The following ZNF799 variants were observed in gnomAD, a reference collection of about 807,000 sequenced individuals.
ZNF799 encodes zinc finger protein 14.
ZNF799 carries 28 observed loss-of-function variants against 41.0 expected under a neutral mutation model. The observed-to-expected ratio is 0.68, with a 90% CI of 0.51 to 0.94. The LOEUF is 0.94. Among genes scored for constraint, ZNF799 ranks in the 40% least tolerant of loss-of-function variants. The pLI, the probability that ZNF799 is intolerant of heterozygous loss-of-function variation, is 0.00. For missense variants in ZNF799, 716 were observed against 764.3 expected (o/e 0.94, Z 0.74); for synonymous variants, 213 against 252.9 (o/e 0.84, Z 1.50).
upstream of ZNF799, among the ~76,000 whole-genome samples, chr19:12,404,667 C>T (rs1435855977): frequency 2.0e-5 from 3 of 152,126 alleles, no homozygotes; most frequent in South Asian, 2.1e-4. Context: ...TTTGTATTTT[C>T]GAATTGGTAT....
the ZNF799 span, among the ~76,000 whole-genome samples, chr19:12,412,482 C>T: frequency 6.6e-6 from 1 of 151,168 alleles, no homozygotes; most frequent in Admixed American, 6.6e-5. Context: ...CAGATCAAAG[C>T]TCTCTTTGTA....
At chr19:12,413,645 A>T in the ZNF799 span, among the ~76,000 whole-genome samples, 1 of 152,266 alleles carries the variant, frequency 6.6e-6, no homozygotes, top group Non-Finnish European at 1.5e-5. Flanking sequence ...TACACATGCC[A>T]TTAGAATTTC....
At chr19:12,404,479 C>T (rs949206573), upstream of ZNF799, among the ~76,000 whole-genome samples, 18 of 152,008 alleles carry the variant, frequency 1.2e-4, no homozygotes, top group Middle Eastern at 3.4e-3. Context: ...TTGTTGCCCA[C>T]GCTGGAGCGC....
the ZNF799 span, among the ~76,000 whole-genome samples, chr19:12,410,818 T>C: frequency 6.6e-6 from 1 of 152,190 alleles, no homozygotes; most frequent in East Asian, 1.9e-4. Flanking sequence ...CAGATTTGTT[T>C]AATTACATGA....
At chr19:12,409,292 C>A in the ZNF799 span, among the ~76,000 whole-genome samples, 1 of 152,162 alleles carries the variant, frequency 6.6e-6, no homozygotes, top group Non-Finnish European at 1.5e-5. Context: ...CATGTGCAGG[C>A]GGTAATGCTT....
chr19:12,391,657 A>G lies in ZNF799; in HGVS notation c.741T>C (p.His247=). 6.2e-7 allele frequency: 1 copy of G among 1,611,008 alleles called. No individual in the cohort carries two copies. The highest frequency in any genetic ancestry group is 8.5e-7 in the Non-Finnish European group (1 of 1,177,524). Residue 247 remains histidine, a synonymous_variant, in exon 4 of 4, where the codon CAT becomes CAC. Transcript: ENST00000430385. ...YSSYLRHERT[H]TGEKLYECKQ... is the part of the protein sequence containing the mutation. ...TACATTCATACAGTTTCTCCCCAGT[A>G]TGTGTTCTTTCATGTCTTAGATAGG...
At chr19:12,413,779 T>C in the ZNF799 span, among the ~76,000 whole-genome samples, 10 of 151,668 alleles carry the variant, frequency 6.6e-5, no homozygotes, top group African/African-American at 2.2e-4. Flanking sequence ...AAGAGTTAGG[T>C]TGAGGAGACA....
At chr19:12,395,891 T>C (rs1969888709) in intron 1 of ZNF799, among the ~76,000 whole-genome samples, 1 of 152,268 alleles carries the variant, frequency 6.6e-6, no homozygotes, top group Non-Finnish European at 1.5e-5. Context: ...TTATCTTTTT[T>C]ACTAGCTTCT....
upstream of ZNF799, among the ~76,000 whole-genome samples, chr19:12,406,174 AAAAAAAAAAAAG>A (rs1328649798): frequency 3.3e-5 from 5 of 150,432 alleles, no homozygotes; most frequent in Admixed American, 6.6e-5. Flanking sequence ...GTCTCAAAAA[AAAAAAAAAAAAG>A]AAAAAAAAAA....
At chr19:12,394,702 TCA>T in intron 1 of ZNF799, 1 of 985,322 alleles carries the variant, frequency 1.0e-6, no homozygotes, top group Middle Eastern at 5.2e-4. Context: ...TAGAAAGAAC[TCA>T]GTGTCATCTC....
In ZNF799 at chr19:12,391,265, G is replaced by C. The variant is rs1478713880; in HGVS notation, c.1133C>G (p.Ser378Ter). The change falls in exon 4 of 4, where the codon TCA becomes TGA. Residue 378 changes from serine (S) to a stop codon, truncating the protein, a stop_gained. Transcript: ENST00000430385. LOFTEE classifies it high-confidence loss of function. ...KQCGKALSHS[S>*]SFRRHMTMHT... is the part of the protein sequence containing the mutation. ...CATTGTCATGTGTCTTCGAAAGCTT[G>C]AGCTATGAGATAACGCTTTCCCACA... The C allele has an allele frequency of 1.9e-6, 3 of 1,614,012 alleles. No individual in the cohort carries two copies. The highest frequency in any genetic ancestry group is 2.2e-5 in the East Asian group (1 of 44,858).
At chr19:12,392,462 A>C (rs1969839753) in intron 3 of ZNF799, 141 bp downstream of exon 3, 1 of 798,290 alleles carries the variant, frequency 1.3e-6, no homozygotes, top group Middle Eastern at 2.8e-4. Flanking sequence ...TGGAACATTT[A>C]AGTATATATT....
chr19:12,390,131 T>G lies in ZNF799; in HGVS notation c.*335A>C, dbSNP rs1969785239. On this transcript the variant is annotated 3_prime_UTR_variant, in exon 4 of 4. Transcript: ENST00000430385. ...GACTCTTTTCCTTATCATGAGTCCC[T>G]AAACAATACAATAGAACAACTATTT... is the stretch of plus-strand genomic sequence containing the variant. The G allele has an allele frequency of 2.4e-6, 1 of 425,050 alleles. No homozygotes were observed. The highest frequency in any genetic ancestry group is 2.0e-5 in the African/African-American group (1 of 50,280). 26.3% of individuals were successfully genotyped at this position (425,050 alleles called of 1,614,324 possible). A position where few individuals can be genotyped will look rare whatever the true frequency, so the allele number is the denominator to read the frequency against.
At chr19:12,407,483 G>GAAA in the ZNF799 span, among the ~76,000 whole-genome samples, 47 of 135,678 alleles carry the variant, frequency 3.5e-4, no homozygotes, top group Non-Finnish European at 5.1e-4. Flanking sequence ...GAGAGAGAGA[G>GAAA]AGAAAAAAAA....
intron 1 of ZNF799, among the ~76,000 whole-genome samples, chr19:12,399,043 A>G (rs186044322): frequency 6.6e-6 from 1 of 152,232 alleles, no homozygotes; most frequent in Non-Finnish European, 1.5e-5. Context: ...CTTTGTCTTC[A>G]AAGTATACAA....
upstream of ZNF799, among the ~76,000 whole-genome samples, chr19:12,403,566 G>C (rs763981624): frequency 6.7e-5 from 9 of 135,258 alleles, no homozygotes; most frequent in Non-Finnish European, 1.4e-4. Flanking sequence ...TTTTTTTTTT[G>C]ATGTGAGTTT....
At chr19:12,406,756 T>C in the ZNF799 span, among the ~76,000 whole-genome samples, 21 of 147,222 alleles carry the variant, frequency 1.4e-4, no homozygotes, top group Non-Finnish European at 7.6e-5. Context: ...AAAAATTAGC[T>C]GGACATGGTG....
intron 1 of ZNF799, among the ~76,000 whole-genome samples, chr19:12,399,297 A>C (rs893599698): frequency 3.9e-5 from 6 of 152,122 alleles, no homozygotes; most frequent in Non-Finnish European, 7.4e-5. Context: ...CACTACCTCA[A>C]CGGGCAGGTT....
rs144753474 is a variant in ZNF799 at position 12,390,538 on chromosome 19, C to T, written c.1860G>A (p.Pro620=). The T allele has an allele frequency of 7.9e-5, 127 of 1,613,656 alleles. 1 individual carries two copies. In the African/African-American group the frequency reaches 9.5e-4, roughly 12 times the overall value. The part of the protein sequence containing the change: ...HWKKTHTGEN[P]YGCKECGKAF... The stretch of plus-strand genomic sequence containing the variant: ...CTTTCCCACATTCCTTACATCCATA[C>T]GGGTTCTCTCCAGTGTGAGTTTTTT... Residue 620 remains proline (P), a synonymous_variant, in exon 4 of 4, where the codon CCG becomes CCA. Transcript: ENST00000430385.
Sources: gnomAD v4.1 joint callset for allele counts (sites outside exome capture counted in the v4.1 genomes callset) on GRCh38, gnomAD v4.1.1 for gene constraint, MANE v1.5 for transcripts, NCBI Gene and HGNC (gene_info 2026-07-23, HGNC 2026-07-21) for gene names.